The following DSCAML1 variants were observed in gnomAD, a reference collection of about 807,000 sequenced individuals.
The protein encoded by DSCAML1 is cell adhesion molecule DSCAML1.
In DSCAML1, 38 loss-of-function variants were observed where a neutral mutation model predicts 200.5. The ratio of observed to expected loss-of-function variants is 0.19; its 90% CI spans 0.15 to 0.25. The LOEUF (loss-of-function observed/expected upper bound fraction) is 0.25, where lower values mean the gene tolerates loss of function less well. DSCAML1 is among the 10% of genes least tolerant of loss of function. The pLI is 1.00. For synonymous variants in DSCAML1, 1,215 were observed against 1,165.0 expected, an observed-to-expected ratio of 1.04 and a Z score of -0.87; for missense variants, 2,223 against 2,858.8, an observed-to-expected ratio of 0.78 and a Z score of 5.07.
chr11:117,509,576 G>A (rs1186135553), intron 8 of DSCAML1, among the ~76,000 whole-genome samples: 3 of 152,112 alleles, frequency 2.0e-5, no homozygotes, highest in African/African-American at 7.2e-5. Context: ...TACACACACC[G>A]GGCAGCCTGG....
chr11:117,616,924 C>T (rs376882066), intron 3 of DSCAML1, among the ~76,000 whole-genome samples: 9 of 152,234 alleles, frequency 5.9e-5, no homozygotes, highest in African/African-American at 2.2e-4. Context: ...TTCTTACAGA[C>T]GTGTAACAGA....
intron 3 of DSCAML1, among the ~76,000 whole-genome samples, chr11:117,610,221 C>T (rs2051660411): frequency 6.6e-6 from 1 of 152,206 alleles, no homozygotes; most frequent in Non-Finnish European, 1.5e-5. Flanking sequence ...GACTGCTCTG[C>T]TCTTTTCCTG....
At chr11:117,575,209 C>G (rs2050910838) in intron 3 of DSCAML1, among the ~76,000 whole-genome samples, 1 of 152,020 alleles carries the variant, frequency 6.6e-6, no homozygotes, top group Non-Finnish European at 1.5e-5. Flanking sequence ...AAAAACAGAA[C>G]AGAAGTCCTG....
intron 3 of DSCAML1, among the ~76,000 whole-genome samples, chr11:117,595,773 T>C (rs1045943186): frequency 3.3e-5 from 5 of 151,458 alleles, no homozygotes; most frequent in South Asian, 2.1e-4. Context: ...GCTCCATGTA[T>C]GGCTAAAAAA....
In DSCAML1 at chr11:117,639,876, C is replaced by T. The variant is rs934140619; in HGVS notation, c.512-107354G>A. 2.6e-5 allele frequency among the ~76,000 whole-genome samples: 4 copies of T among 152,210 alleles called. No individual in the cohort carries two copies. The East Asian group carries it at 5.8e-4, about 22-fold the overall frequency. On this transcript the variant is annotated intron_variant, in intron 3 of 32. Transcript: ENST00000651296. ...AAGGCTCACCGCCCATCTGTTCTTC[C>T]TCCCCATGACGCCAATGCCTGGCCT... is the stretch of plus-strand genomic sequence containing the variant.
At chr11:117,577,535 T>C (rs1591286334) in intron 3 of DSCAML1, among the ~76,000 whole-genome samples, 1 of 83,646 alleles carries the variant, frequency 1.2e-5, no homozygotes, top group Admixed American at 1.2e-4. Context: ...CCTTCCTTCC[T>C]TTCCTTCCTT....
At chr11:117,512,860 A>G (rs1331371019) in intron 8 of DSCAML1, among the ~76,000 whole-genome samples, 1 of 150,664 alleles carries the variant, frequency 6.6e-6, no homozygotes, top group Non-Finnish European at 1.5e-5. Context: ...ACTGTCGCTC[A>G]GCACCATCAC....
At chr11:117,702,719 A>C (rs1366133846) in intron 3 of DSCAML1, among the ~76,000 whole-genome samples, 1 of 152,206 alleles carries the variant, frequency 6.6e-6, no homozygotes, top group Non-Finnish European at 1.5e-5. Context: ...TTTGTGAATC[A>C]AACAGTATTT....
intron 3 of DSCAML1, among the ~76,000 whole-genome samples, chr11:117,607,675 G>A (rs1401127167): frequency 2.6e-5 from 4 of 152,160 alleles, no homozygotes; most frequent in Non-Finnish European, 5.9e-5. Context: ...TCAGAGAGCA[G>A]CCCCCACACC....
At chr11:117,706,916 G>A (rs2053767180) in intron 3 of DSCAML1, among the ~76,000 whole-genome samples, 1 of 152,126 alleles carries the variant, frequency 6.6e-6, no homozygotes, top group South Asian at 2.1e-4. Flanking sequence ...CAAAATGAAG[G>A]GAGGCGACCA....
chr11:117,541,564 G>T (rs535691275), intron 3 of DSCAML1, among the ~76,000 whole-genome samples: 3 of 152,318 alleles, frequency 2.0e-5, no homozygotes, highest in Admixed American at 6.5e-5. Flanking sequence ...ACATTGCAAT[G>T]GTTTGGGCCA....
intron 21 of DSCAML1, among the ~76,000 whole-genome samples, chr11:117,442,588 G>A (rs904043740): frequency 6.6e-6 from 1 of 152,098 alleles, no homozygotes; most frequent in Non-Finnish European, 1.5e-5. Context: ...GTGAGGTGAC[G>A]CTGTGTGAAT....
intron 3 of DSCAML1, among the ~76,000 whole-genome samples, chr11:117,717,544 C>A (rs1411254353): frequency 3.9e-5 from 6 of 152,180 alleles, no homozygotes; most frequent in African/African-American, 1.4e-4. Context: ...AAATAAAAGA[C>A]CCTGACGATC....
chr11:117,434,277 A>ACCTAT (rs2047862112), intron 27 of DSCAML1, among the ~76,000 whole-genome samples: 1 of 152,128 alleles, frequency 6.6e-6, no homozygotes, highest in Non-Finnish European at 1.5e-5. Context: ...CCATTAATTC[A>ACCTAT]TCATCCACCT....
intron 21 of DSCAML1, 117 bp from the exon 22 acceptor site, chr11:117,440,053 C>T: frequency 2.4e-6 from 2 of 850,028 alleles, no homozygotes; most frequent in African/African-American, 1.7e-5. Context: ...ATCTGACCTC[C>T]ACCTTGGGCT....
chr11:117,683,975 G>C (rs558368678), intron 3 of DSCAML1, among the ~76,000 whole-genome samples: 18 of 152,306 alleles, frequency 1.2e-4, no homozygotes, highest in African/African-American at 4.1e-4. Context: ...AGATATATGT[G>C]TGCTGTTGTC....
At chr11:117,621,905 G>T (rs1262369318) in intron 3 of DSCAML1, among the ~76,000 whole-genome samples, 1 of 152,198 alleles carries the variant, frequency 6.6e-6, no homozygotes, top group Non-Finnish European at 1.5e-5. Context: ...AAGTGGGATT[G>T]TCAAGAGGTT....
chr11:117,633,137 A>C (rs1048036146), intron 3 of DSCAML1, among the ~76,000 whole-genome samples: 2 of 150,666 alleles, frequency 1.3e-5, no homozygotes, highest in Non-Finnish European at 3.0e-5. Context: ...GGGGGTGACA[A>C]CTCCACTGAG....
At position 117,516,652 on chromosome 11, in the gene DSCAML1, T is replaced by C; in HGVS notation, c.1598A>G (p.Tyr533Cys). Residue 533 changes from tyrosine to cysteine, a missense_variant, in exon 8 of 33, where the codon TAC becomes TGC. Physicochemically the swap from Tyr to Cys is radical, Grantham distance 194. This residue lies in a region of DSCAML1 where 212 missense variants were observed against 368.0 expected (regional missense o/e 0.58). Transcript: ENST00000651296. The surrounding 1 kb of genome is among the most constrained non-coding windows in gnomAD (Gnocchi z 5.7). ...LINCRVIGYP[Y>C]YSIKWYKDAL... ...ATCCTTGTACCACTTGATGGAGTAG[T>C]AGGGATAGCCGATGACCCTGCAGTT... 3 of 1,614,048 alleles carry C rather than the reference T, an allele frequency of 1.9e-6. No homozygotes were observed. Among genetic ancestry groups the C allele is most frequent in the Non-Finnish European group, 2.5e-6 (3 of 1,180,006 alleles).
Sources: allele counts gnomAD v4.1 joint callset (sites outside exome capture counted in the v4.1 genomes callset), GRCh38; gene constraint gnomAD v4.1.1; regional missense constraint gnomAD v4.1.1; non-coding constraint Gnocchi (gnomAD v3.1); transcripts MANE v1.5; gene names NCBI Gene and HGNC (gene_info 2026-07-23, HGNC 2026-07-21).